Variants in RNLS observed in about 807,000 individuals in gnomAD.
The protein encoded by RNLS is renalase.
In RNLS, 39 loss-of-function variants were observed where a neutral mutation model predicts 39.8. The observed-to-expected ratio is 0.98, with a 90% CI of 0.76 to 1.28. RNLS has a LOEUF of 1.28. RNLS is among the 50% of genes most tolerant of loss of function. The pLI, the probability that RNLS is intolerant of heterozygous loss-of-function variation, is 0.00. For synonymous variants in RNLS, 147 were observed against 150.7 expected (o/e 0.98, Z 0.18); for missense variants, 410 against 413.3 (o/e 0.99, Z 0.07).
chr10:88,560,423 T>C (rs1344959021), intron 4 of RNLS, among the ~76,000 whole-genome samples: 2 of 152,022 alleles, frequency 1.3e-5, no homozygotes, highest in Non-Finnish European at 2.9e-5. Context: ...CAGTCAAAAC[T>C]GGTCCCACTA....
intron 6 of RNLS, among the ~76,000 whole-genome samples, chr10:88,298,178 ATTTTTAT>A (rs1425070239): frequency 3.3e-5 from 5 of 151,158 alleles, no homozygotes; most frequent in African/African-American, 4.9e-5. Flanking sequence ...TGGTTTTTTT[ATTTTTAT>A]TTTTTATTTT....
At chr10:88,335,352 G>T (rs1344678962) in intron 5 of RNLS, among the ~76,000 whole-genome samples, 1 of 151,820 alleles carries the variant, frequency 6.6e-6, no homozygotes, top group African/African-American at 2.4e-5. Flanking sequence ...CAAGTAGCTG[G>T]GACTGCCAGG....
chr10:88,250,669 A>C, the RNLS span, among the ~76,000 whole-genome samples: 1 of 152,230 alleles, frequency 6.6e-6, no homozygotes. Context: ...TTAACTAAAA[A>C]ATTTTAAAAA....
chr10:88,309,307 G>T (rs918682350), intron 6 of RNLS: 6 of 872,364 alleles, frequency 6.9e-6, no homozygotes, highest in African/African-American at 1.8e-5. Flanking sequence ...AAAAGAAAAT[G>T]CATGGGAAAA....
At chr10:88,380,986 A>C (rs963475325) in intron 4 of RNLS, among the ~76,000 whole-genome samples, 7 of 152,274 alleles carry the variant, frequency 4.6e-5, no homozygotes, top group Admixed American at 3.9e-4. Context: ...TCTATTCTGA[A>C]CCATTAAACT....
chr10:88,301,515 C>T (rs1412636828), intron 6 of RNLS, among the ~76,000 whole-genome samples: 2 of 152,222 alleles, frequency 1.3e-5, no homozygotes, highest in African/African-American at 4.8e-5. Context: ...GCAAGATACT[C>T]TTGTGGCCAT....
chr10:88,220,537 G>A, the RNLS span, among the ~76,000 whole-genome samples: 1 of 152,144 alleles, frequency 6.6e-6, no homozygotes, highest in Admixed American at 6.5e-5. Context: ...GAAAACTGGA[G>A]CCTAACAAGT....
the RNLS span, among the ~76,000 whole-genome samples, chr10:88,227,747 G>A: frequency 2.0e-5 from 3 of 152,212 alleles, no homozygotes; most frequent in African/African-American, 7.2e-5. Context: ...AGAATGAAAT[G>A]CAGTTTATAT....
intron 4 of RNLS, among the ~76,000 whole-genome samples, chr10:88,454,190 G>C (rs1444266576): frequency 1.3e-5 from 2 of 152,142 alleles, no homozygotes; most frequent in Non-Finnish European, 2.9e-5. Flanking sequence ...GAAGCCTAGG[G>C]TAGAAAGAAA....
At position 88,341,270 on chromosome 10, in the gene RNLS, G is replaced by A. The variant is rs190818845; in HGVS notation, c.700+21282C>T. ...CTTGAACCTGGAAAGCAGAGGTTGCGGTGAGCCGAGATCATGCCATTGCAC... is the reference window on the plus strand; with the variant it reads ...CTTGAACCTGGAAAGCAGAGGTTGCAGTGAGCCGAGATCATGCCATTGCAC... On this transcript the variant is annotated intron_variant, in intron 5 of 6. Transcript: ENST00000331772. 1.8e-3 allele frequency among the ~76,000 whole-genome samples: 276 copies of A among 149,488 alleles called. 2 individuals are homozygous for A. Among genetic ancestry groups the A allele is most frequent in the African/African-American group, 6.2e-3 (250 of 40,596 alleles).
At chr10:88,251,251 C>T in the RNLS span, among the ~76,000 whole-genome samples, 1 of 152,142 alleles carries the variant, frequency 6.6e-6, no homozygotes, top group African/African-American at 2.4e-5. Context: ...AGATAACTGC[C>T]TTCTAGTACT....
chr10:88,576,571 A>C (rs1300894930), intron 3 of RNLS, among the ~76,000 whole-genome samples: 1 of 152,232 alleles, frequency 6.6e-6, no homozygotes, highest in Non-Finnish European at 1.5e-5. Context: ...TGAAGTAAAT[A>C]GAAGAATGCT....
chr10:88,397,092 T>C (rs941481452), intron 4 of RNLS, among the ~76,000 whole-genome samples: 2 of 151,952 alleles, frequency 1.3e-5, no homozygotes, highest in African/African-American at 4.8e-5. Flanking sequence ...ATAGAGGACT[T>C]GAACAACACT....
intron 4 of RNLS, among the ~76,000 whole-genome samples, chr10:88,526,227 A>C (rs1276397483): frequency 6.6e-6 from 1 of 151,634 alleles, no homozygotes; most frequent in Non-Finnish European, 1.5e-5. Flanking sequence ...CTTGAGAAAA[A>C]TATAGCAAAT....
At chr10:88,509,477 GA>G (rs1457441491) in intron 4 of RNLS, among the ~76,000 whole-genome samples, 5 of 145,810 alleles carry the variant, frequency 3.4e-5, no homozygotes, top group Admixed American at 6.9e-5. Flanking sequence ...GAGGAGAGGA[GA>G]GGGGAGGAGA....
chr10:88,523,165 CT>C (rs1846862544), intron 4 of RNLS, among the ~76,000 whole-genome samples: 2 of 152,198 alleles, frequency 1.3e-5, no homozygotes, highest in South Asian at 4.2e-4. Context: ...TGAAAAGAAA[CT>C]TTCAGAAGAG....
chr10:88,477,152 C>A (rs958567526), intron 4 of RNLS, among the ~76,000 whole-genome samples: 1 of 151,700 alleles, frequency 6.6e-6, no homozygotes, highest in Non-Finnish European at 1.5e-5. Flanking sequence ...ATTATTAGAA[C>A]AAGAACTGGA....
At chr10:88,481,271 C>CCT (rs578053257) in intron 4 of RNLS, among the ~76,000 whole-genome samples, 22 of 152,256 alleles carry the variant, frequency 1.4e-4, no homozygotes, top group Non-Finnish European at 2.9e-4. Flanking sequence ...AGTTTGTCAA[C>CCT]CTCTGTCTTC....
intron 5 of RNLS, among the ~76,000 whole-genome samples, chr10:88,349,316 T>A (rs1848515417): frequency 6.6e-6 from 1 of 152,174 alleles, no homozygotes; most frequent in Non-Finnish European, 1.5e-5. Context: ...AGAGGGCAAA[T>A]GTTGTCTTAG....
Sources: allele counts gnomAD v4.1 joint callset (sites outside exome capture counted in the v4.1 genomes callset), GRCh38; gene constraint gnomAD v4.1.1; transcripts MANE v1.5; gene names NCBI Gene and HGNC (gene_info 2026-07-23, HGNC 2026-07-21).